Variants in CIDEA observed in about 807,000 individuals in gnomAD.
The protein encoded by CIDEA is lipid transferase CIDEA.
CIDEA carries 10 observed loss-of-function variants against 18.2 expected under a neutral mutation model. The observed-to-expected ratio is 0.55, with a 90% CI of 0.34 to 0.93. The LOEUF (loss-of-function observed/expected upper bound fraction) is 0.93, where lower values mean the gene tolerates loss of function less well. CIDEA is among the 40% of genes least tolerant of loss of function. CIDEA has a pLI of 0.02. For missense variants in CIDEA, 309 were observed against 293.1 expected (o/e 1.05, Z -0.40); for synonymous variants, 128 against 124.8 (o/e 1.03, Z -0.17).
At chr18:12,254,671 G>A (rs778227622) in intron 1 of CIDEA, 2 of 1,523,868 alleles carry the variant, frequency 1.3e-6, no homozygotes, top group South Asian at 1.2e-5. Context: ...GCTGGGCACA[G>A]GTACCAGGTG....
chr18:12,270,894 CTTTTTTT>C (rs771335202), intron 3 of CIDEA, among the ~76,000 whole-genome samples: 7 of 60,020 alleles, frequency 1.2e-4, no homozygotes, highest in East Asian at 6.6e-4. Context: ...TTTTTCTTTT[CTTTTTTT>C]TTTTTTTTTT....
rs189630746 is a variant in CIDEA at position 12,261,786 on chromosome 18, G to T, written c.39-1039G>T. Reference sequence around the variant, plus strand: ...TGTAAAGACAGGGTCTCACTATGTTGCCCAGGCTGGTCTCGAACTCCTGGG... The same window carrying T: ...TGTAAAGACAGGGTCTCACTATGTTTCCCAGGCTGGTCTCGAACTCCTGGG... On this transcript the variant is annotated intron_variant, in intron 1 of 4. Coordinates refer to ENST00000320477, the MANE Select transcript of CIDEA (RefSeq NM_001279.4). Among the ~76,000 whole-genome samples, 1,123 of 151,814 alleles carry T rather than the reference G, an allele frequency of 7.4e-3. 8 individuals carry two copies. Among genetic ancestry groups the T allele is most frequent in the Middle Eastern group, 0.02 (6 of 294 alleles).
At chr18:12,266,460 A>C (rs1912351222) in intron 3 of CIDEA, among the ~76,000 whole-genome samples, 1 of 152,202 alleles carries the variant, frequency 6.6e-6, no homozygotes, top group Non-Finnish European at 1.5e-5. Flanking sequence ...GTCTCAAAAA[A>C]TAAAAATACA....
Position 12,254,440 on chromosome 18 carries a change from C to A in CIDEA, c.38+19C>A. On this transcript the variant is annotated intron_variant, in intron 1 of 4. Transcript: ENST00000320477. ...TCATCAGGCGAGTGCCCCGCGTCCC[C>A]CTGATTGCCGTGCGCTTCCAATCGC... 6.3e-7 allele frequency: 1 copy of A among 1,597,210 alleles called. No homozygotes were observed.
chr18:12,259,790 A>G (rs531953437), intron 1 of CIDEA, among the ~76,000 whole-genome samples: 1 of 152,242 alleles, frequency 6.6e-6, no homozygotes, highest in East Asian at 1.9e-4. Context: ...GAACCCGAGA[A>G]GCAGAGGCTG....
intron 3 of CIDEA, among the ~76,000 whole-genome samples, chr18:12,266,635 G>A (rs1231304389): frequency 1.3e-5 from 2 of 152,204 alleles, no homozygotes; most frequent in African/African-American, 2.4e-5. Flanking sequence ...TGCCTGTGAT[G>A]TAACACAAAG....
chr18:12,267,655 T>C (rs2144075321), intron 3 of CIDEA, among the ~76,000 whole-genome samples: 1 of 152,180 alleles, frequency 6.6e-6, no homozygotes, highest in South Asian at 2.1e-4. Flanking sequence ...CCACCACGCC[T>C]GGCTAATTTT....
intron 3 of CIDEA, among the ~76,000 whole-genome samples, chr18:12,265,368 A>C (rs1465663282): frequency 2.0e-5 from 3 of 152,268 alleles, no homozygotes; most frequent in Non-Finnish European, 2.9e-5. Flanking sequence ...TGAAGCTGGC[A>C]GTTCCCCAGG....
chr18:12,275,344 AAAAT>A (rs1268783343), intron 4 of CIDEA, among the ~76,000 whole-genome samples: 2 of 152,206 alleles, frequency 1.3e-5, no homozygotes, highest in East Asian at 3.8e-4. Flanking sequence ...CTGTGTCTCA[AAAAT>A]AAATAAATAA....
In CIDEA at chr18:12,277,210, T is replaced by A; in HGVS notation, c.600T>A (p.Asp200Glu). ...GCACATACATGCTCCGGGTGCTGGA[T>A]GACAAGGAAGAGCGGCCATCCCTCC... ...YLGTYMLRVL[D>E]DKEERPSLRS... The change falls in exon 5 of 5, where the codon GAT becomes GAA. Residue 200 changes from aspartate (D) to glutamate (E), a missense_variant. Physicochemically the swap from Asp to Glu is conservative, Grantham distance 45. Coordinates refer to ENST00000320477, the MANE Select transcript of CIDEA (RefSeq NM_001279.4). 6.2e-7 allele frequency: 1 copy of A among 1,614,148 alleles called. No homozygotes were observed. The highest frequency in any genetic ancestry group is 8.5e-7 in the Non-Finnish European group (1 of 1,180,038).
chr18:12,259,785 C>T (rs1372193969), intron 1 of CIDEA, among the ~76,000 whole-genome samples: 3 of 152,114 alleles, frequency 2.0e-5, no homozygotes, highest in South Asian at 2.1e-4. Context: ...TGCTTGAACC[C>T]GAGAAGCAGA....
At chr18:12,265,120 G>A (rs182722895) in intron 3 of CIDEA, among the ~76,000 whole-genome samples, 6 of 152,354 alleles carry the variant, frequency 3.9e-5, no homozygotes, top group Middle Eastern at 3.4e-3. Context: ...GTTAGGGAGA[G>A]GGGTGTGTGT....
At chr18:12,272,886 G>A (rs1162284431) in intron 3 of CIDEA, among the ~76,000 whole-genome samples, 1 of 152,154 alleles carries the variant, frequency 6.6e-6, no homozygotes, top group Non-Finnish European at 1.5e-5. Flanking sequence ...CAAAAGTGCT[G>A]AGACTACAGG....
At chr18:12,275,089 A>G (rs9958468) in intron 4 of CIDEA, among the ~76,000 whole-genome samples, 117,087 of 152,254 alleles carry the variant, frequency 0.77, 45,227 homozygotes, top group East Asian at 0.87. Flanking sequence ...TTGGGAGGCC[A>G]AGGTCAGCAG....
intron 1 of CIDEA, among the ~76,000 whole-genome samples, chr18:12,259,806 A>C (rs897567002): frequency 1.3e-5 from 2 of 152,218 alleles, no homozygotes; most frequent in African/African-American, 4.8e-5. Flanking sequence ...GGCTGTAGTG[A>C]GCCCAGATGG....
chr18:12,255,886 T>C lies in CIDEA; in HGVS notation c.38+1465T>C, dbSNP rs191530049. On this transcript the variant is annotated intron_variant, in intron 1 of 4. Transcript: ENST00000320477. ...TATGAGCTGTTGACAAATGAAACAT[T>C]GGGAAACCTTGAGTCTCCTAGGACA... 3.1e-4 allele frequency among the ~76,000 whole-genome samples: 47 copies of C among 152,346 alleles called. No individual in the cohort carries two copies. In the East Asian group the frequency reaches 7.9e-3, roughly 26 times the overall value.
intron 1 of CIDEA, among the ~76,000 whole-genome samples, chr18:12,260,654 T>C (rs1912165556): frequency 6.6e-6 from 1 of 152,138 alleles, no homozygotes; most frequent in Non-Finnish European, 1.5e-5. Context: ...ATACAGAAAA[T>C]AAAGCATGGA....
At chr18:12,261,121 G>A (rs536375287) in intron 1 of CIDEA, among the ~76,000 whole-genome samples, 3 of 152,164 alleles carry the variant, frequency 2.0e-5, no homozygotes, top group East Asian at 1.9e-4. Context: ...GCTGGCTCAC[G>A]CCTGAAATCC....
rs749949644 is a variant in CIDEA at position 12,254,445 on chromosome 18, T to C, written c.38+24T>C. On this transcript the variant is annotated intron_variant, in intron 1 of 4. Transcript: ENST00000320477. ...AGGCGAGTGCCCCGCGTCCCCCTGA[T>C]TGCCGTGCGCTTCCAATCGCCTTGC... The C allele has an allele frequency of 6.5e-5, 104 of 1,597,560 alleles. 1 individual carries two copies. In the Middle Eastern group the frequency reaches 6.6e-4, roughly 10 times the overall value.
Sources: allele counts gnomAD v4.1 joint callset (sites outside exome capture counted in the v4.1 genomes callset), GRCh38; gene constraint gnomAD v4.1.1; transcripts MANE v1.5; gene names NCBI Gene and HGNC (gene_info 2026-07-23, HGNC 2026-07-21).